The following FUT9 variants were observed in gnomAD, a reference collection of about 807,000 sequenced individuals.
The protein encoded by FUT9 is fucosyltransferase 9.
In FUT9, 15 loss-of-function variants were observed where a neutral mutation model predicts 29.7. The ratio of observed to expected loss-of-function variants is 0.51; its 90% CI spans 0.34 to 0.78. The LOEUF is 0.78. FUT9 is among the 30% of genes least tolerant of loss of function. FUT9 has a pLI of 0.01. For missense variants in FUT9, 319 were observed against 425.4 expected (o/e 0.75, Z 2.20); for synonymous variants, 169 against 153.7 (o/e 1.10, Z -0.74).
chr6:96,123,337 T>C (rs1470580709), intron 2 of FUT9, among the ~76,000 whole-genome samples: 1 of 152,148 alleles, frequency 6.6e-6, no homozygotes, highest in Non-Finnish European at 1.5e-5. Context: ...TGATCACTTA[T>C]TTTAAAAAGG....
At chr6:96,177,102 A>C (rs1485378455) in intron 2 of FUT9, among the ~76,000 whole-genome samples, 1 of 152,164 alleles carries the variant, frequency 6.6e-6, no homozygotes, top group Non-Finnish European at 1.5e-5. Flanking sequence ...ACCCTAAATT[A>C]TGTGATACTC....
intron 2 of FUT9, among the ~76,000 whole-genome samples, chr6:96,156,493 G>A (rs1006791226): frequency 9.2e-5 from 14 of 152,182 alleles, no homozygotes; most frequent in South Asian, 6.2e-4. Flanking sequence ...GTTTTCCTTC[G>A]CAGTACAAGG....
At chr6:96,069,271 A>C (rs1771013009) in intron 1 of FUT9, among the ~76,000 whole-genome samples, 1 of 151,910 alleles carries the variant, frequency 6.6e-6, no homozygotes, top group South Asian at 2.1e-4. Flanking sequence ...CAGTGAGCCG[A>C]GATCGCGCCA....
chr6:96,179,511 C>T (rs1470359597), intron 2 of FUT9, among the ~76,000 whole-genome samples: 1 of 152,058 alleles, frequency 6.6e-6, no homozygotes, highest in Non-Finnish European at 1.5e-5. Flanking sequence ...TATTATTCAA[C>T]AGGATTTATA....
At chr6:96,052,309 G>C (rs1212796453) in intron 1 of FUT9, among the ~76,000 whole-genome samples, 2 of 142,640 alleles carry the variant, frequency 1.4e-5, no homozygotes, top group Admixed American at 1.3e-4. Context: ...GGTGACATTT[G>C]AGTGGTGACA....
At chr6:96,039,693 A>T (rs9386298) in intron 1 of FUT9, among the ~76,000 whole-genome samples, 78,628 of 151,818 alleles carry the variant, frequency 0.52, 20,526 homozygotes, top group East Asian at 0.67. Flanking sequence ...AAAATCTCTC[A>T]TGTTGCTTAT....
rs1240517197 is a variant in FUT9, at chr6:96,211,826, T to G, written c.*7591T>G. On this transcript the variant is annotated 3_prime_UTR_variant, in exon 3 of 3. Coordinates refer to ENST00000302103, the MANE Select transcript of FUT9 (RefSeq NM_006581.4). ...TTTCTAATTGTGTTCCTTTAAAGAG[T>G]ATTAGAAATGTCTGTTATGTCAGTA... is the stretch of plus-strand genomic sequence containing the variant. 5.9e-6 allele frequency: 2 copies of G among 338,586 alleles called. No individual in the cohort carries two copies. Among genetic ancestry groups the G allele is most frequent in the Non-Finnish European group, 1.1e-5 (2 of 180,684 alleles). 21.0% of individuals were successfully genotyped at this position (338,586 alleles called of 1,614,324 possible). A position where few individuals can be genotyped will look rare whatever the true frequency, so the allele number is the denominator to read the frequency against.
At chr6:96,127,865 AAAG>A (rs1772162098) in intron 2 of FUT9, among the ~76,000 whole-genome samples, 2 of 152,010 alleles carry the variant, frequency 1.3e-5, no homozygotes, top group African/African-American at 4.8e-5. Context: ...GCCCACTTTT[AAAG>A]GGGTTGTTTA....
At chr6:96,186,171 CA>C (rs1773403078) in intron 2 of FUT9, among the ~76,000 whole-genome samples, 1 of 152,030 alleles carries the variant, frequency 6.6e-6, no homozygotes, top group Non-Finnish European at 1.5e-5. Flanking sequence ...ATACTTTTAT[CA>C]TATTATTTCT....
intron 1 of FUT9, among the ~76,000 whole-genome samples, chr6:96,105,223 T>A (rs568569725): frequency 6.6e-6 from 1 of 152,346 alleles, no homozygotes; most frequent in East Asian, 1.9e-4. Context: ...TTGCCTTATG[T>A]TCTGAACAAT....
chr6:96,019,767 A>G (rs1770037387), intron 1 of FUT9, among the ~76,000 whole-genome samples: 1 of 152,076 alleles, frequency 6.6e-6, no homozygotes. Flanking sequence ...GGCATTCTTA[A>G]TAGAAAGATT....
chr6:96,203,369 C>A lies in FUT9; in HGVS notation c.214C>A (p.Pro72Thr). 5 of 1,612,840 alleles carry A rather than the reference C, an allele frequency of 3.1e-6. No homozygotes were observed. The highest frequency in any genetic ancestry group is 4.2e-6 in the Non-Finnish European group (5 of 1,179,236). Residue 72 changes from proline (P) to threonine (T), a missense_variant, in exon 3 of 3, where the codon CCA (proline) becomes ACA (threonine). Pro to Thr is a conservative substitution (Grantham distance 38, BLOSUM62 -1). Coordinates refer to ENST00000302103, the MANE Select transcript of FUT9 (RefSeq NM_006581.4). Reference protein sequence around the residue: ...NETTILVWVWPFGQTFDLTSC... With the variant: ...NETTILVWVWTFGQTFDLTSC... ...AACTACTATTCTGGTGTGGGTGTGG[C>A]CATTTGGGCAGACCTTTGACCTTAC...
chr6:96,161,257 A>G (rs1379958644), intron 2 of FUT9, among the ~76,000 whole-genome samples: 2 of 152,098 alleles, frequency 1.3e-5, no homozygotes, highest in African/African-American at 2.4e-5. Flanking sequence ...CCTGGATGGG[A>G]TAAGTGCCCT....
At chr6:96,140,660 A>G (rs1772445584) in intron 2 of FUT9, among the ~76,000 whole-genome samples, 1 of 152,350 alleles carries the variant, frequency 6.6e-6, no homozygotes, top group South Asian at 2.1e-4. Context: ...GGTGGCAGGC[A>G]AAAGAACGTA....
intron 2 of FUT9, among the ~76,000 whole-genome samples, chr6:96,196,763 T>A (rs1288222858): frequency 3.9e-5 from 6 of 151,918 alleles, no homozygotes; most frequent in Non-Finnish European, 7.4e-5. Context: ...GCAAGACCAG[T>A]CTGTTAAGAT....
intron 1 of FUT9, among the ~76,000 whole-genome samples, chr6:96,022,359 A>G (rs1449253408): frequency 1.3e-5 from 2 of 152,054 alleles, no homozygotes; most frequent in Admixed American, 1.3e-4. Context: ...TGTCTTCACC[A>G]ACAGCTTAAT....
chr6:96,099,535 T>C (rs746476323), intron 1 of FUT9, among the ~76,000 whole-genome samples: 9 of 152,122 alleles, frequency 5.9e-5, no homozygotes, highest in Non-Finnish European at 1.2e-4. Flanking sequence ...ATAGACCTCA[T>C]ACTTGGAGTG....
At chr6:96,170,222 C>A (rs1444067928) in intron 2 of FUT9, among the ~76,000 whole-genome samples, 1 of 151,964 alleles carries the variant, frequency 6.6e-6, no homozygotes, top group Non-Finnish European at 1.5e-5. Flanking sequence ...TGAGTTTCAA[C>A]CCAAATATCA....
rs536061577 is a variant in FUT9 at position 96,100,829 on chromosome 6, G to T, written c.-97-13210G>T. Among the ~76,000 whole-genome samples, 254 of 152,256 alleles carry T rather than the reference G, an allele frequency of 1.7e-3. 1 individual carries two copies. The highest frequency in any genetic ancestry group is 5.7e-3 in the African/African-American group (236 of 41,540). On this transcript the variant is annotated intron_variant, in intron 1 of 2. Coordinates refer to ENST00000302103, the MANE Select transcript of FUT9 (RefSeq NM_006581.4). Reference sequence around the variant, plus strand: ...TTATCATTTGTGACAACACACCGTTGTAAAATCTGTAGTTTTCCTAATATA... The same window carrying T: ...TTATCATTTGTGACAACACACCGTTTTAAAATCTGTAGTTTTCCTAATATA...
Sources: allele counts gnomAD v4.1 joint callset (sites outside exome capture counted in the v4.1 genomes callset), GRCh38; gene constraint gnomAD v4.1.1; transcripts MANE v1.5; gene names NCBI Gene and HGNC (gene_info 2026-07-23, HGNC 2026-07-21).